TFCP2L1: variants seen among roughly 807,000 people sequenced by gnomAD.
The protein encoded by TFCP2L1 is transcription factor CP2 like 1.
Under a neutral mutation model 72.2 loss-of-function variants are expected in TFCP2L1, and 12 were observed. The observed-to-expected ratio is 0.17, with a 90% confidence interval of 0.11 to 0.27. TFCP2L1 has a LOEUF of 0.27. TFCP2L1 is among the 10% of genes least tolerant of loss of function. The pLI is 1.00. For missense variants in TFCP2L1, 488 were observed against 624.6 expected, an observed-to-expected ratio of 0.78 and a Z score of 2.33; for synonymous variants, 260 against 251.0, an observed-to-expected ratio of 1.04 and a Z score of -0.34.
intron 2 of TFCP2L1, 106 bp from the exon 3 acceptor site, chr2:121,249,753 AG>A: frequency 8.7e-7 from 1 of 1,153,132 alleles, no homozygotes; most frequent in East Asian, 2.3e-5. Context: ...CCAGGCCTCA[AG>A]GCCCTGGGGA....
intron 2 of TFCP2L1, among the ~76,000 whole-genome samples, chr2:121,280,064 C>A (rs1026362921): frequency 1.3e-5 from 2 of 152,244 alleles, no homozygotes; most frequent in Middle Eastern, 3.4e-3. Context: ...GGACACTTGC[C>A]CACGTGTTCT....
rs140367983 is a variant in TFCP2L1, at chr2:121,248,330, GA to G, written c.398-61del. 537 of 1,379,618 alleles carry G rather than the reference GA, an allele frequency of 3.9e-4. No individual in the cohort carries two copies. In the African/African-American group the frequency reaches 7.1e-3, roughly 18 times the overall value. 85.5% of individuals were successfully genotyped at this position (1,379,618 alleles called of 1,614,324 possible). A position where few individuals can be genotyped will look rare whatever the true frequency, so the allele number is the denominator to read the frequency against. ...TGTCAGCCTCTCCCAAATATTTAGGGAAAGACCCCTGTTACAGGTCCCAATT... is the reference window on the plus strand; with the variant it reads ...TGTCAGCCTCTCCCAAATATTTAGGGAAGACCCCTGTTACAGGTCCCAATT... On this transcript the variant is annotated intron_variant, in intron 4 of 14. Transcript: ENST00000263707.
At chr2:121,263,469 C>CAAAAAAAAAAAAAA (rs10603088) in intron 2 of TFCP2L1, among the ~76,000 whole-genome samples, 1 of 67,516 alleles carries the variant, frequency 1.5e-5, no homozygotes, top group Non-Finnish European at 2.9e-5. Context: ...CTGTTTTTGG[C>CAAAAAAAAAAAAAA]AAAAAAAAAA....
chr2:121,264,948 AT>A (rs2104737488), intron 2 of TFCP2L1, among the ~76,000 whole-genome samples: 1 of 152,330 alleles, frequency 6.6e-6, no homozygotes, highest in Admixed American at 6.5e-5. Flanking sequence ...CAGAGTCACC[AT>A]TTGACCCAGC....
rs554256626 is a variant in TFCP2L1 at position 121,255,933 on chromosome 2, A to G, written c.215-6286T>C. ...AATTTTTTGTATTTTTAGTAGAGACAGGGTTTCACCATGTTAGCCAGGATG... is the reference window on the plus strand; with the variant it reads ...AATTTTTTGTATTTTTAGTAGAGACGGGGTTTCACCATGTTAGCCAGGATG... On this transcript the variant is annotated intron_variant, in intron 2 of 14. Coordinates refer to ENST00000263707, the MANE Select transcript of TFCP2L1 (RefSeq NM_014553.3). Among the ~76,000 whole-genome samples the G allele has an allele frequency of 3.3e-5, 5 of 152,072 alleles. No homozygotes were observed. In the East Asian group the frequency reaches 5.8e-4, roughly 18 times the overall value.
At chr2:121,249,228 C>T in intron 3 of TFCP2L1, 141 bp from the exon 4 acceptor site, 1 of 626,510 alleles carries the variant, frequency 1.6e-6, no homozygotes, top group Non-Finnish European at 2.8e-6. Flanking sequence ...CAAGCTTTGC[C>T]CACTGTCCCC....
chr2:121,248,377 G>A, intron 4 of TFCP2L1, 107 bp from the exon 5 acceptor site: 2 of 863,140 alleles, frequency 2.3e-6, no homozygotes, highest in East Asian at 5.8e-5. Flanking sequence ...AATTTGCAAT[G>A]CCAAAAGCTC....
At chr2:121,283,180 C>G (rs902427571) in intron 1 of TFCP2L1, among the ~76,000 whole-genome samples, 12 of 152,158 alleles carry the variant, frequency 7.9e-5, no homozygotes, top group African/African-American at 2.9e-4. Context: ...TTGTTTCAAG[C>G]CTGGCATCTT....
intron 2 of TFCP2L1, among the ~76,000 whole-genome samples, chr2:121,279,870 A>C (rs969948100): frequency 3.3e-5 from 5 of 152,198 alleles, no homozygotes; most frequent in African/African-American, 1.2e-4. Context: ...TCCTTTGCTC[A>C]TCCTTGCTGG....
intron 14 of TFCP2L1, 88 bp from the exon 15 acceptor site, chr2:121,224,475 G>GT: frequency 7.0e-7 from 1 of 1,419,812 alleles, no homozygotes; most frequent in Non-Finnish European, 9.8e-7. Context: ...CGCTGTTAGG[G>GT]TATCAGCAAA....
intron 1 of TFCP2L1, 117 bp from the exon 2 acceptor site, chr2:121,281,388 G>T: frequency 1.7e-6 from 2 of 1,149,294 alleles, no homozygotes; most frequent in Non-Finnish European, 2.4e-6. Flanking sequence ...CACGGCACGC[G>T]CATCGCAGGG....
intron 6 of TFCP2L1, among the ~76,000 whole-genome samples, chr2:121,245,689 G>A (rs1686466160): frequency 6.6e-6 from 1 of 152,214 alleles, no homozygotes; most frequent in Admixed American, 6.5e-5. Context: ...CTGCAGCTGT[G>A]ATGGTGCGTC....
chr2:121,245,702 C>A (rs1686466643), intron 6 of TFCP2L1, among the ~76,000 whole-genome samples: 1 of 152,348 alleles, frequency 6.6e-6, no homozygotes, highest in Admixed American at 6.5e-5. Flanking sequence ...GGTGCGTCCC[C>A]AGATCACTGC....
chr2:121,225,495 T>A lies in TFCP2L1; in HGVS notation c.1393+67A>T. 5 of 1,477,100 alleles carry A rather than the reference T, an allele frequency of 3.4e-6. No individual in the cohort carries two copies. In the South Asian group the frequency reaches 5.7e-5, roughly 17 times the overall value. 91.5% of individuals were successfully genotyped at this position (1,477,100 alleles called of 1,614,324 possible). A position where few individuals can be genotyped will look rare whatever the true frequency, so the allele number is the denominator to read the frequency against. ...GGTCAGCACTCTCTGGAAGGGCCCA[T>A]CCTGCAGGCAGGCCCCACCCTCTCA... On this transcript the variant is annotated intron_variant, in intron 14 of 14. Coordinates refer to ENST00000263707, the MANE Select transcript of TFCP2L1 (RefSeq NM_014553.3).
At chr2:121,269,918 A>AAAAAAAAAAAAAAAAATATATATATATAT in intron 2 of TFCP2L1, among the ~76,000 whole-genome samples, 1 of 115,180 alleles carries the variant, frequency 8.7e-6, no homozygotes, top group Non-Finnish European at 1.7e-5. Flanking sequence ...AAAAAAAAAA[A>AAAAAAAAAAAAAAAAATATATATATATAT]ATATATATAT....
At chr2:121,248,563 A>G (rs1385453438) in intron 4 of TFCP2L1, among the ~76,000 whole-genome samples, 4 of 152,200 alleles carry the variant, frequency 2.6e-5, no homozygotes, top group Admixed American at 6.5e-5. Flanking sequence ...TCGTATTGTC[A>G]TTCTAGCTTC....
intron 8 of TFCP2L1, among the ~76,000 whole-genome samples, chr2:121,239,346 G>A (rs1686314470): frequency 6.6e-6 from 1 of 152,198 alleles, no homozygotes; most frequent in Admixed American, 6.5e-5. Context: ...CACCAGGTAA[G>A]TTCTGGGCCG....
intron 2 of TFCP2L1, among the ~76,000 whole-genome samples, chr2:121,272,927 G>A (rs1687072334): frequency 1.3e-5 from 2 of 152,076 alleles, no homozygotes; most frequent in South Asian, 4.2e-4. Context: ...TCAGATATCT[G>A]GTCTACCTCT....
Position 121,227,118 on chromosome 2 carries a change from T to A in TFCP2L1, c.1342-1505A>T, listed in dbSNP as rs533507450. Among the ~76,000 whole-genome samples, 14 of 152,302 alleles carry A rather than the reference T, an allele frequency of 9.2e-5. No homozygotes were observed. In the South Asian group the frequency reaches 1.2e-3, roughly 14 times the overall value. On this transcript the variant is annotated intron_variant, in intron 13 of 14. Coordinates refer to ENST00000263707, the MANE Select transcript of TFCP2L1 (RefSeq NM_014553.3). ...TGAAATGAAAGAAATCACAGAAGAA[T>A]ACACTATGATTTCACTCATGGAAAG...
Sources: gnomAD v4.1 joint callset for allele counts (sites outside exome capture counted in the v4.1 genomes callset) on GRCh38, gnomAD v4.1.1 for gene constraint, MANE v1.5 for transcripts, NCBI Gene and HGNC (gene_info 2026-07-23, HGNC 2026-07-21) for gene names.